SCAND3: variants seen among roughly 807,000 people sequenced by gnomAD.
SCAND3 encodes SCAN domain-containing protein 3.
the SCAND3 span, among the ~76,000 whole-genome samples, chr6:28,613,955 T>C: frequency 1.3e-5 from 2 of 151,774 alleles, no homozygotes; most frequent in Admixed American, 6.6e-5. Context: ...CAATTCCACT[T>C]TCTTTTCTTT....
At chr6:28,573,212 T>G in the SCAND3 span, 114 of 1,614,078 alleles carry the variant, frequency 7.1e-5, no homozygotes, top group African/African-American at 1.5e-3. Flanking sequence ...GCTAGTTTTA[T>G]TTGTTCTATG....
chr6:28,571,988 G>A, the SCAND3 span: 2 of 1,613,818 alleles, frequency 1.2e-6, no homozygotes, highest in Non-Finnish European at 1.7e-6. Context: ...GCTACCCTCA[G>A]GGGATAATGT....
At chr6:28,575,645 G>A in the SCAND3 span, 14 of 1,614,050 alleles carry the variant, frequency 8.7e-6, no homozygotes, top group Non-Finnish European at 1.2e-5. The surrounding 1 kb of genome is among the most constrained non-coding windows in gnomAD (Gnocchi z 4.2). Flanking sequence ...GAATTTTTCT[G>A]TTGGCATGGT....
At chr6:28,572,276 A>C in the SCAND3 span, 3 of 1,610,570 alleles carry the variant, frequency 1.9e-6, no homozygotes, top group Non-Finnish European at 2.5e-6. This position sits in a 1 kb window ranked among gnomAD's most constrained non-coding sequence, Gnocchi z 4.1. Flanking sequence ...TTTTGGATCC[A>C]CAAATTTCCT....
At chr6:28,573,259 C>T in the SCAND3 span, 8 of 1,614,094 alleles carry the variant, frequency 5.0e-6, no homozygotes, top group African/African-American at 5.3e-5. Context: ...TTCCTGAATA[C>T]GTCGAGCTAT....
the SCAND3 span, among the ~76,000 whole-genome samples, chr6:28,609,531 C>A: frequency 6.6e-6 from 1 of 152,110 alleles, no homozygotes; most frequent in Non-Finnish European, 1.5e-5. Flanking sequence ...CTAATGAATG[C>A]AGGAGAGATT....
chr6:28,582,508 T>TA, the SCAND3 span, among the ~76,000 whole-genome samples: 3 of 152,142 alleles, frequency 2.0e-5, no homozygotes, highest in Non-Finnish European at 2.9e-5. The surrounding 1 kb of genome is among the most constrained non-coding windows in gnomAD (Gnocchi z 4.8). Context: ...ATGAATGTAT[T>TA]AAAAAAACAT....
chr6:28,614,366 C>T, the SCAND3 span, among the ~76,000 whole-genome samples: 2 of 152,132 alleles, frequency 1.3e-5, no homozygotes, highest in African/African-American at 2.4e-5. Flanking sequence ...GTTACCTGTA[C>T]ATTTAACATA....
At chr6:28,613,603 G>A in the SCAND3 span, among the ~76,000 whole-genome samples, 9 of 152,246 alleles carry the variant, frequency 5.9e-5, no homozygotes, top group African/African-American at 2.2e-4. Flanking sequence ...GCTTAGAGAT[G>A]GTTGAACAAA....
chr6:28,571,712 T>C, the SCAND3 span: 7 of 465,648 alleles, frequency 1.5e-5, no homozygotes, highest in South Asian at 3.4e-4. Context: ...AAAAATAGAA[T>C]TATAAAAACT....
the SCAND3 span, among the ~76,000 whole-genome samples, chr6:28,608,121 A>G: frequency 1.4e-4 from 21 of 152,200 alleles, no homozygotes; most frequent in African/African-American, 5.1e-4. Flanking sequence ...ACAGACTCCA[A>G]GTTAAGCCCG....
At chr6:28,613,760 C>T in the SCAND3 span, among the ~76,000 whole-genome samples, 2,872 of 152,120 alleles carry the variant, frequency 0.019, 40 homozygotes, top group African/African-American at 0.038. Flanking sequence ...AATTATGACT[C>T]ATTTGTTTAT....
At chr6:28,605,330 A>G in the SCAND3 span, among the ~76,000 whole-genome samples, 3 of 152,208 alleles carry the variant, frequency 2.0e-5, no homozygotes, top group Non-Finnish European at 4.4e-5. Flanking sequence ...GAATTCCTTA[A>G]TCCTTTGTGA....
At chr6:28,584,909 C>G in the SCAND3 span, among the ~76,000 whole-genome samples, 1 of 152,204 alleles carries the variant, frequency 6.6e-6, no homozygotes, top group Non-Finnish European at 1.5e-5. Context: ...GGACTTCCAT[C>G]TTTTTTTCTT....
chr6:28,615,378 C>T, the SCAND3 span, among the ~76,000 whole-genome samples: 39 of 152,252 alleles, frequency 2.6e-4, no homozygotes, highest in East Asian at 7.5e-3. Flanking sequence ...CTTTGAGAGG[C>T]CGAGGTGGGC....
At chr6:28,585,673 A>G in the SCAND3 span, among the ~76,000 whole-genome samples, 4 of 152,366 alleles carry the variant, frequency 2.6e-5, no homozygotes, top group East Asian at 7.7e-4. Context: ...GTTCAGATAA[A>G]TGTATGAATA....
chr6:28,598,876 C>CAAAAAAAAAA, the SCAND3 span, among the ~76,000 whole-genome samples: 13 of 74,240 alleles, frequency 1.8e-4, no homozygotes, highest in African/African-American at 3.3e-4. Flanking sequence ...GACTATGTCT[C>CAAAAAAAAAA]AAAAAAAAAA....
the SCAND3 span, among the ~76,000 whole-genome samples, chr6:28,592,415 A>C: frequency 6.6e-6 from 1 of 152,116 alleles, no homozygotes; most frequent in East Asian, 1.9e-4. This position sits in a 1 kb window ranked among gnomAD's most constrained non-coding sequence, Gnocchi z 4.1. Flanking sequence ...AAACTATAAA[A>C]CTCTGATAAA....
the SCAND3 span, among the ~76,000 whole-genome samples, chr6:28,588,961 G>C: frequency 6.6e-6 from 1 of 152,202 alleles, no homozygotes; most frequent in Non-Finnish European, 1.5e-5. This position sits in a 1 kb window ranked among gnomAD's most constrained non-coding sequence, Gnocchi z 4.1. Flanking sequence ...TATTTTGTAA[G>C]ATTTGCAAAA....
Sources: allele counts gnomAD v4.1 joint callset (sites outside exome capture counted in the v4.1 genomes callset), GRCh38; gene constraint gnomAD v4.1.1; non-coding constraint Gnocchi (gnomAD v3.1); transcripts MANE v1.5; gene names NCBI Gene and HGNC (gene_info 2026-07-23, HGNC 2026-07-21).